Variants in ENTREP2 observed in about 807,000 individuals in gnomAD.
ENTREP2 encodes the protein endosomal transmembrane epsin interactor 2.
At chr15:29,253,691 T>C in the ENTREP2 span, among the ~76,000 whole-genome samples, 9 of 152,278 alleles carry the variant, frequency 5.9e-5, no homozygotes, top group Admixed American at 5.9e-4. Flanking sequence ...TCTGCCCTCC[T>C]TGGCCTCCCA....
At chr15:29,417,745 G>A in the ENTREP2 span, among the ~76,000 whole-genome samples, 13 of 152,024 alleles carry the variant, frequency 8.6e-5, no homozygotes, top group South Asian at 4.1e-4. Context: ...ATAATTCATG[G>A]CTATTTTCCA....
At chr15:29,261,592 C>T in the ENTREP2 span, among the ~76,000 whole-genome samples, 1 of 152,180 alleles carries the variant, frequency 6.6e-6, no homozygotes, top group African/African-American at 2.4e-5. Context: ...CAAAAGCTAA[C>T]CACATATTAG....
chr15:29,310,994 G>T, the ENTREP2 span, among the ~76,000 whole-genome samples: 1 of 151,076 alleles, frequency 6.6e-6, no homozygotes, highest in Non-Finnish European at 1.5e-5. Flanking sequence ...TGGCATGGGG[G>T]AAGGTGTGAG....
chr15:29,454,569 G>A, the ENTREP2 span, among the ~76,000 whole-genome samples: 35 of 152,292 alleles, frequency 2.3e-4, no homozygotes, highest in African/African-American at 8.4e-4. Context: ...AGGATAATGA[G>A]AATGCATTTA....
At chr15:29,379,777 G>T in the ENTREP2 span, among the ~76,000 whole-genome samples, 1 of 152,202 alleles carries the variant, frequency 6.6e-6, no homozygotes, top group South Asian at 2.1e-4. Context: ...TGAGGCCAGG[G>T]CTGGGGGTGG....
the ENTREP2 span, among the ~76,000 whole-genome samples, chr15:29,312,747 A>G: frequency 6.6e-6 from 1 of 152,094 alleles, no homozygotes; most frequent in African/African-American, 2.4e-5. Context: ...GTTCCCTGAG[A>G]CACAACAATA....
At chr15:29,600,697 C>A in the ENTREP2 span, among the ~76,000 whole-genome samples, 28 of 152,018 alleles carry the variant, frequency 1.8e-4, 1 homozygote, top group South Asian at 5.4e-3. Flanking sequence ...GTCTCAAACT[C>A]CTGGCCTCAA....
At chr15:29,510,904 G>A in the ENTREP2 span, among the ~76,000 whole-genome samples, 1 of 151,724 alleles carries the variant, frequency 6.6e-6, no homozygotes, top group African/African-American at 2.4e-5. Context: ...CATGGATGAA[G>A]CTGGAAACCA....
At chr15:29,159,978 C>T in the ENTREP2 span, among the ~76,000 whole-genome samples, 3 of 152,252 alleles carry the variant, frequency 2.0e-5, no homozygotes, top group South Asian at 2.1e-4. Flanking sequence ...CAGGAGGCGG[C>T]GCTCGCCCGG....
the ENTREP2 span, among the ~76,000 whole-genome samples, chr15:29,668,095 C>A: frequency 6.6e-6 from 1 of 152,022 alleles, no homozygotes; most frequent in African/African-American, 2.4e-5. Context: ...TAATAAGGAC[C>A]CAGCAAGAGA....
chr15:29,194,490 A>T, the ENTREP2 span, among the ~76,000 whole-genome samples: 15 of 152,176 alleles, frequency 9.9e-5, no homozygotes, highest in East Asian at 2.7e-3. Context: ...TTTGCTTTCA[A>T]CTCTTACCAG....
At chr15:29,322,339 T>C in the ENTREP2 span, among the ~76,000 whole-genome samples, 64 of 152,328 alleles carry the variant, frequency 4.2e-4, 1 homozygote, top group African/African-American at 1.5e-3. Context: ...TTATTACCTA[T>C]AGTCACCACA....
At chr15:29,340,361 T>C in the ENTREP2 span, among the ~76,000 whole-genome samples, 5 of 152,196 alleles carry the variant, frequency 3.3e-5, no homozygotes, top group African/African-American at 9.6e-5. Flanking sequence ...GCTTCCTCTG[T>C]AGACAATGGG....
the ENTREP2 span, among the ~76,000 whole-genome samples, chr15:29,299,398 A>G: frequency 6.6e-6 from 1 of 152,148 alleles, no homozygotes; most frequent in East Asian, 1.9e-4. Flanking sequence ...CTGCCTCTTC[A>G]GCGTCACCTT....
At chr15:29,293,738 G>A in the ENTREP2 span, among the ~76,000 whole-genome samples, 1 of 152,204 alleles carries the variant, frequency 6.6e-6, no homozygotes. Context: ...GGGAAGCGTG[G>A]AAGTTGGCCA....
At chr15:29,340,052 G>A in the ENTREP2 span, among the ~76,000 whole-genome samples, 3 of 152,188 alleles carry the variant, frequency 2.0e-5, no homozygotes, top group Non-Finnish European at 4.4e-5. Context: ...TTGAAGCACT[G>A]GTGTTTTACA....
chr15:29,608,707 C>T, the ENTREP2 span, among the ~76,000 whole-genome samples: 7 of 151,950 alleles, frequency 4.6e-5, no homozygotes, highest in Admixed American at 2.6e-4. Context: ...GCTGGGACTA[C>T]AGGCACCTGC....
chr15:29,619,666 C>T, the ENTREP2 span, among the ~76,000 whole-genome samples: 2 of 150,280 alleles, frequency 1.3e-5, no homozygotes, highest in Admixed American at 6.6e-5. Context: ...GGAACTCTGA[C>T]TGCTCAGGAA....
the ENTREP2 span, among the ~76,000 whole-genome samples, chr15:29,358,843 T>G: frequency 6.6e-6 from 1 of 152,080 alleles, no homozygotes; most frequent in Admixed American, 6.5e-5. Context: ...GTAAAGAGAT[T>G]TCATAATAAC....
Sources: gnomAD v4.1 joint callset for allele counts (sites outside exome capture counted in the v4.1 genomes callset) on GRCh38, gnomAD v4.1.1 for gene constraint, MANE v1.5 for transcripts, NCBI Gene and HGNC (gene_info 2026-07-23, HGNC 2026-07-21) for gene names.